The following ZEB1 variants were observed in gnomAD, a reference collection of about 807,000 sequenced individuals.
ZEB1 encodes the protein zinc finger E-box binding homeobox 1.
A neutral mutation model predicts 84.9 loss-of-function variants in ZEB1; 21 were observed. The ratio of observed to expected loss-of-function variants is 0.25; its 90% CI spans 0.18 to 0.36. The LOEUF (loss-of-function observed/expected upper bound fraction) is 0.36. Ranked by LOEUF, ZEB1 falls within the 10% of genes least tolerant of loss-of-function variation. ZEB1 has a pLI of 1.00. For missense variants in ZEB1, 1,104 were observed against 1,330.2 expected (o/e 0.83, Z 2.65); for synonymous variants, 420 against 471.1 (o/e 0.89, Z 1.41).
chr10:31,504,389 G>A (rs181431526), intron 4 of ZEB1, among the ~76,000 whole-genome samples: 4 of 152,162 alleles, frequency 2.6e-5, no homozygotes, highest in Admixed American at 2.0e-4. Context: ...CAGGTAGTGC[G>A]ATGTCTCCAG....
chr10:31,526,258 AG>A (rs1244370836), intron 8 of ZEB1, among the ~76,000 whole-genome samples: 5 of 152,226 alleles, frequency 3.3e-5, no homozygotes, highest in African/African-American at 1.2e-4. Flanking sequence ...GCTTGTGACT[AG>A]GAAAACAAAA....
intron 1 of ZEB1, among the ~76,000 whole-genome samples, chr10:31,414,733 G>A (rs2054916041): frequency 6.6e-6 from 1 of 152,110 alleles, no homozygotes; most frequent in Non-Finnish European, 1.5e-5. Flanking sequence ...CATCATAGTG[G>A]ACACTTCATG....
intron 1 of ZEB1, among the ~76,000 whole-genome samples, chr10:31,447,113 A>G (rs1195325885): frequency 1.3e-5 from 2 of 150,190 alleles, no homozygotes; most frequent in Non-Finnish European, 3.0e-5. Flanking sequence ...TTGGGTGCAT[A>G]TATATTTAGG....
chr10:31,379,255 G>T (rs1326627969), intron 1 of ZEB1, among the ~76,000 whole-genome samples: 1 of 151,914 alleles, frequency 6.6e-6, no homozygotes, highest in Admixed American at 6.6e-5. Flanking sequence ...GAGGTAGGAA[G>T]GTAACAACAT....
intron 1 of ZEB1, among the ~76,000 whole-genome samples, chr10:31,424,671 A>T (rs1257323144): frequency 6.6e-6 from 1 of 151,968 alleles, no homozygotes; most frequent in African/African-American, 2.4e-5. Context: ...AGGTTATTGG[A>T]ACTTGACAGC....
chr10:31,361,381 C>T (rs570260101), intron 1 of ZEB1, among the ~76,000 whole-genome samples: 8 of 152,240 alleles, frequency 5.3e-5, no homozygotes, highest in East Asian at 1.9e-4. Flanking sequence ...TCAGTAGAGA[C>T]GGAGTTTCAC....
chr10:31,387,606 A>T (rs2048855177), intron 1 of ZEB1: 1 of 419,348 alleles, frequency 2.4e-6, no homozygotes, highest in African/African-American at 2.2e-5. Context: ...AAGAATTTTG[A>T]AACAATGACA....
intron 1 of ZEB1, chr10:31,319,900 G>GCGGCGA (rs1207507698): frequency 6.8e-6 from 1 of 147,166 alleles, no homozygotes; most frequent in African/African-American, 2.5e-5. Flanking sequence ...GCGGGCTGCG[G>GCGGCGA]CGGCGGCGGG....
intron 1 of ZEB1, among the ~76,000 whole-genome samples, chr10:31,439,885 G>A (rs2058719165): frequency 6.6e-6 from 1 of 152,148 alleles, no homozygotes; most frequent in Admixed American, 6.5e-5. Flanking sequence ...ACAGTGAATA[G>A]GATGGGAAGT....
intron 1 of ZEB1, among the ~76,000 whole-genome samples, chr10:31,431,571 A>G (rs945084133): frequency 1.3e-5 from 2 of 152,192 alleles, no homozygotes; most frequent in African/African-American, 4.8e-5. Flanking sequence ...TCCGCATCCT[A>G]CTTTTAGTGG....
intron 1 of ZEB1, among the ~76,000 whole-genome samples, chr10:31,327,105 T>TC (rs2133136897): frequency 7.1e-6 from 1 of 140,754 alleles, no homozygotes; most frequent in South Asian, 2.3e-4. Flanking sequence ...TTTTCTTTTT[T>TC]TTTTTTTTTT....
intron 1 of ZEB1, among the ~76,000 whole-genome samples, chr10:31,332,583 A>G (rs1256728517): frequency 6.6e-6 from 1 of 152,202 alleles, no homozygotes; most frequent in Non-Finnish European, 1.5e-5. Context: ...AACTTTATTT[A>G]CCTGAATGTT....
intron 1 of ZEB1, among the ~76,000 whole-genome samples, chr10:31,437,161 A>T (rs1402914953): frequency 6.6e-6 from 1 of 152,212 alleles, no homozygotes; most frequent in African/African-American, 2.4e-5. Flanking sequence ...AGAGAGATTA[A>T]TATAATTAGG....
rs2053586586 is a variant in ZEB1 at position 31,408,533 on chromosome 10, G to A, written c.59-52504G>A. On this transcript the variant is annotated intron_variant, in intron 1 of 8. Transcript: ENST00000424869. ...CAGTAACCAAAACAGCATGGTACTG[G>A]TACCAAAACAGAGATATAGATCAAT... Among the ~76,000 whole-genome samples, 14 of 148,912 alleles carry A rather than the reference G, an allele frequency of 9.4e-5. No homozygotes were observed. The South Asian group carries it at 2.8e-3, about 29-fold the overall frequency.
At chr10:31,394,643 G>A (rs2050364506) in intron 1 of ZEB1, among the ~76,000 whole-genome samples, 2 of 152,224 alleles carry the variant, frequency 1.3e-5, no homozygotes, top group Non-Finnish European at 2.9e-5. Flanking sequence ...GGCATACAAT[G>A]TGTATTCACT....
At chr10:31,495,302 C>T (rs375921687) in intron 2 of ZEB1, among the ~76,000 whole-genome samples, 192 of 152,004 alleles carry the variant, frequency 1.3e-3, no homozygotes, top group African/African-American at 4.4e-3. Context: ...ATAATTCTAC[C>T]GTCTATAGGT....
chr10:31,443,728 C>G (rs535572446), intron 1 of ZEB1, among the ~76,000 whole-genome samples: 2 of 150,470 alleles, frequency 1.3e-5, no homozygotes, highest in East Asian at 1.9e-4. Flanking sequence ...CATGTCCTTA[C>G]AAAGGACATG....
At position 31,324,938 on chromosome 10, in the gene ZEB1, A is replaced by G. The variant is rs572088423; in HGVS notation, c.58+5646A>G. Among the ~76,000 whole-genome samples, 141 of 152,190 alleles carry G rather than the reference A, an allele frequency of 9.3e-4. 1 individual carries two copies. The highest frequency in any genetic ancestry group is 1.8e-3 in the Non-Finnish European group (119 of 67,904). ...TAAAATTAAATTTGATCTATTATGT[A>G]GGCATTGCCATATAAACTAATCATT... On this transcript the variant is annotated intron_variant, in intron 1 of 8. Transcript: ENST00000424869.
chr10:31,338,966 A>G (rs1366972459), intron 1 of ZEB1, among the ~76,000 whole-genome samples: 1 of 152,192 alleles, frequency 6.6e-6, no homozygotes, highest in Non-Finnish European at 1.5e-5. Context: ...TTCTCATAGT[A>G]AAATAGAGTT....
Sources: allele counts gnomAD v4.1 joint callset (sites outside exome capture counted in the v4.1 genomes callset), GRCh38; gene constraint gnomAD v4.1.1; transcripts MANE v1.5; gene names NCBI Gene and HGNC (gene_info 2026-07-23, HGNC 2026-07-21).